The following SRBD1 variants were observed in gnomAD, a reference collection of about 807,000 sequenced individuals.
SRBD1 encodes the protein S1 RNA-binding domain-containing protein 1.
A neutral mutation model predicts 115.3 loss-of-function variants in SRBD1; 88 were observed. That is an observed-to-expected ratio of 0.76 (90% CI 0.64 to 0.91). The LOEUF is 0.91. Ranked by LOEUF, SRBD1 falls within the 40% of genes least tolerant of loss-of-function variation. SRBD1 has a pLI of 0.00. For missense variants in SRBD1, 1,385 were observed against 1,177.4 expected (o/e 1.18, Z -2.58); for synonymous variants, 509 against 407.7 (o/e 1.25, Z -2.99).
intron 19 of SRBD1, among the ~76,000 whole-genome samples, chr2:45,408,935 G>C (rs1171317692): frequency 6.6e-6 from 1 of 152,120 alleles, no homozygotes; most frequent in Non-Finnish European, 1.5e-5. Context: ...CATTATAAAA[G>C]ATACTGGCCG....
At chr2:45,489,728 G>A (rs1572696207) in intron 14 of SRBD1, among the ~76,000 whole-genome samples, 1 of 152,190 alleles carries the variant, frequency 6.6e-6, no homozygotes, top group East Asian at 1.9e-4. Context: ...GTATGCCCAA[G>A]ATCATATAGC....
intron 14 of SRBD1, among the ~76,000 whole-genome samples, chr2:45,509,509 T>A (rs1347150708): frequency 6.7e-6 from 1 of 149,012 alleles, no homozygotes; most frequent in Non-Finnish European, 1.5e-5. Context: ...GGCAGGAGAA[T>A]GGCGTGAACC....
chr2:45,436,648 TTA>T (rs1202893539), intron 16 of SRBD1, among the ~76,000 whole-genome samples: 1 of 151,950 alleles, frequency 6.6e-6, no homozygotes, highest in Non-Finnish European at 1.5e-5. Flanking sequence ...AAACTACCAT[TTA>T]TAAAACCATC....
At chr2:45,441,467 C>T (rs763862537) in intron 16 of SRBD1, among the ~76,000 whole-genome samples, 1 of 152,208 alleles carries the variant, frequency 6.6e-6, no homozygotes, top group South Asian at 2.1e-4. Context: ...ATAGTACGTA[C>T]TCACTCTAAC....
At position 45,477,093 on chromosome 2, in the gene SRBD1, GAAAAC is replaced by G; in HGVS notation, c.1967-23_1967-19del. On this transcript the variant is annotated intron_variant, in intron 15 of 20. Transcript: ENST00000263736. Reference sequence around the variant, plus strand: ...TATGGAAACTGAAAAAACAGAATCAGAAAACAAGTATGACTTAATGTGAAAAGCAG... The same window carrying G: ...TATGGAAACTGAAAAAACAGAATCAGAAGTATGACTTAATGTGAAAAGCAG... The G allele has an allele frequency of 6.2e-7, 1 of 1,604,600 alleles. No homozygotes were observed. Among genetic ancestry groups the G allele is most frequent in the Non-Finnish European group, 8.5e-7 (1 of 1,172,642 alleles).
intron 19 of SRBD1, among the ~76,000 whole-genome samples, chr2:45,399,465 A>C (rs553818261): frequency 6.6e-6 from 1 of 152,258 alleles, no homozygotes; most frequent in African/African-American, 2.4e-5. Flanking sequence ...TATTTCATTT[A>C]ATTATCTCAA....
intron 4 of SRBD1, among the ~76,000 whole-genome samples, chr2:45,593,519 G>A (rs1673789864): frequency 6.6e-6 from 1 of 152,094 alleles, no homozygotes; most frequent in Non-Finnish European, 1.5e-5. Flanking sequence ...TTTTCCCAAA[G>A]TGTCCTGAGA....
chr2:45,562,320 T>G (rs1261756425), intron 10 of SRBD1, among the ~76,000 whole-genome samples: 1 of 152,104 alleles, frequency 6.6e-6, no homozygotes, highest in Non-Finnish European at 1.5e-5. Flanking sequence ...CTCAGCCTCT[T>G]GGGTTCAAGC....
chr2:45,448,256 A>G (rs970253207), intron 16 of SRBD1, among the ~76,000 whole-genome samples: 2 of 152,182 alleles, frequency 1.3e-5, no homozygotes, highest in African/African-American at 4.8e-5. Flanking sequence ...AAGTTGTTTT[A>G]TCTACGAAAT....
Position 45,602,016 on chromosome 2 carries a change from T to C in SRBD1, c.148A>G (p.Ser50Gly). 2 of 1,614,224 alleles carry C rather than the reference T, an allele frequency of 1.2e-6. No homozygotes were observed. Among genetic ancestry groups the C allele is most frequent in the Non-Finnish European group, 1.7e-6 (2 of 1,180,028 alleles). ...TCCTTGGGAGGGGGCTGTTTACGGC[T>C]TCTGGGAACTTTCTTTTGGGGCTCC... The part of the protein sequence containing the change: ...AWEPQKKVPR[S>G]RKQPPPKESK... The change falls in exon 3 of 21, where the codon AGC (serine) becomes GGC (glycine). Residue 50 changes from serine (S) to glycine (G), a missense_variant. Ser to Gly is a moderately conservative substitution (Grantham distance 56). Transcript: ENST00000263736.
intron 14 of SRBD1, among the ~76,000 whole-genome samples, chr2:45,534,446 T>A (rs1572744458): frequency 1.3e-5 from 2 of 152,018 alleles, no homozygotes; most frequent in East Asian, 3.9e-4. Context: ...AATTCTAGAA[T>A]GTCACAGTAC....
At chr2:45,599,389 A>T in intron 4 of SRBD1, 60 bp downstream of exon 4, 1 of 1,444,142 alleles carries the variant, frequency 6.9e-7, no homozygotes, top group Non-Finnish European at 9.2e-7. Context: ...TACAACCCCT[A>T]TGCTAGTCAA....
chr2:45,574,511 C>G, intron 8 of SRBD1, 116 bp downstream of exon 8: 2 of 896,564 alleles, frequency 2.2e-6, no homozygotes, highest in Non-Finnish European at 3.4e-6. Context: ...AGTTTTGCTA[C>G]TTTAAAAAAA....
chr2:45,549,110 AAACT>A (rs1672211325), intron 12 of SRBD1: 1 of 152,214 alleles, frequency 6.6e-6, no homozygotes, highest in African/African-American at 2.4e-5. Flanking sequence ...TGAACTCTTG[AAACT>A]AACTAGTAAA....
chr2:45,446,807 A>G (rs1020759356), intron 16 of SRBD1, among the ~76,000 whole-genome samples: 2 of 152,164 alleles, frequency 1.3e-5, no homozygotes, highest in Non-Finnish European at 2.9e-5. Flanking sequence ...ACTGCCATCA[A>G]TACCACTGGG....
intron 16 of SRBD1, among the ~76,000 whole-genome samples, chr2:45,453,100 G>C (rs1028420376): frequency 6.6e-6 from 1 of 151,914 alleles, no homozygotes; most frequent in African/African-American, 2.4e-5. Context: ...AGGGCCCAGA[G>C]CCCAGAACTC....
chr2:45,450,910 A>G (rs978414790), intron 16 of SRBD1, among the ~76,000 whole-genome samples: 1 of 152,178 alleles, frequency 6.6e-6, no homozygotes, highest in South Asian at 2.1e-4. Flanking sequence ...AAATCTGAGC[A>G]TAAGTGGGAA....
intron 14 of SRBD1, among the ~76,000 whole-genome samples, chr2:45,524,341 T>C (rs1299255741): frequency 6.6e-6 from 1 of 151,992 alleles, no homozygotes; most frequent in African/African-American, 2.4e-5. Context: ...CAAATACCCA[T>C]AGTAGAAAGG....
At chr2:45,557,763 T>G (rs1295529956) in intron 10 of SRBD1, among the ~76,000 whole-genome samples, 1 of 152,182 alleles carries the variant, frequency 6.6e-6, no homozygotes, top group Non-Finnish European at 1.5e-5. Context: ...ATCTTTAAAC[T>G]TAAAGAAAAT....
Sources: gnomAD v4.1 joint callset for allele counts (sites outside exome capture counted in the v4.1 genomes callset) on GRCh38, gnomAD v4.1.1 for gene constraint, MANE v1.5 for transcripts, NCBI Gene and HGNC (gene_info 2026-07-23, HGNC 2026-07-21) for gene names.